Variants in CTIF observed in about 807,000 individuals in gnomAD.
CTIF encodes the protein CBP80/20-dependent translation initiation factor.
Under a neutral mutation model 66.0 loss-of-function variants are expected in CTIF, and 21 were observed. That is an observed-to-expected ratio of 0.32 (90% confidence interval 0.23 to 0.46). The LOEUF (loss-of-function observed/expected upper bound fraction) is 0.46, where lower values mean the gene tolerates loss of function less well. Among genes scored for constraint, CTIF ranks in the 20% least tolerant of loss-of-function variants. The pLI, the probability that CTIF is intolerant of heterozygous loss-of-function variation, is 1.00. For synonymous variants in CTIF, 345 were observed against 326.4 expected (o/e 1.06, Z -0.62); for missense variants, 739 against 812.7 (o/e 0.91, Z 1.10).
At chr18:48,675,382 C>T (rs1000496063) in intron 6 of CTIF, among the ~76,000 whole-genome samples, 6 of 152,184 alleles carry the variant, frequency 3.9e-5, no homozygotes, top group African/African-American at 7.2e-5. Flanking sequence ...GGAGGCCTCG[C>T]CAGGATCGGT....
At chr18:48,559,717 T>C (rs1369942424) in intron 1 of CTIF, among the ~76,000 whole-genome samples, 1 of 152,186 alleles carries the variant, frequency 6.6e-6, no homozygotes, top group East Asian at 1.9e-4. Flanking sequence ...ACAAGGCTGC[T>C]TGGGCTTCCT....
chr18:48,857,843 A>AC (rs1238979804), intron 11 of CTIF, among the ~76,000 whole-genome samples: 1 of 150,720 alleles, frequency 6.6e-6, no homozygotes, highest in Non-Finnish European at 1.5e-5. Flanking sequence ...AGAGCAGCTC[A>AC]CCCCTGACTG....
At chr18:48,648,608 A>G (rs1054949462) in intron 3 of CTIF, among the ~76,000 whole-genome samples, 1 of 151,466 alleles carries the variant, frequency 6.6e-6, no homozygotes, top group Admixed American at 6.6e-5. Flanking sequence ...AGAAGATTCA[A>G]CCATTCTCAA....
At chr18:48,737,681 G>A (rs1427665907) in intron 7 of CTIF, among the ~76,000 whole-genome samples, 1 of 151,958 alleles carries the variant, frequency 6.6e-6, no homozygotes, top group African/African-American at 2.4e-5. Flanking sequence ...TGAAAAGACA[G>A]ATAGAAATAT....
intron 1 of CTIF, among the ~76,000 whole-genome samples, chr18:48,578,392 G>T (rs1278293717): frequency 6.6e-6 from 1 of 152,138 alleles, no homozygotes; most frequent in Non-Finnish European, 1.5e-5. Context: ...ACCTTTTGAA[G>T]AACGCCAGGT....
At chr18:48,791,084 G>A (rs1045123298) in intron 9 of CTIF, among the ~76,000 whole-genome samples, 1 of 152,208 alleles carries the variant, frequency 6.6e-6, no homozygotes, top group Non-Finnish European at 1.5e-5. Flanking sequence ...AGGAAGGGGA[G>A]GCCCTGTACA....
chr18:48,846,290 C>T (rs1043230204), intron 10 of CTIF, among the ~76,000 whole-genome samples: 3 of 152,224 alleles, frequency 2.0e-5, no homozygotes, highest in Admixed American at 6.5e-5. Context: ...TCTCCACCAC[C>T]GCTATTCCTT....
intron 3 of CTIF, among the ~76,000 whole-genome samples, chr18:48,653,476 G>C (rs190981026): frequency 6.6e-6 from 1 of 151,992 alleles, no homozygotes; most frequent in Admixed American, 6.5e-5. Context: ...AAATAAAAGA[G>C]GACACAAACA....
At chr18:48,809,801 C>T (rs1020186357) in intron 9 of CTIF, among the ~76,000 whole-genome samples, 6 of 151,620 alleles carry the variant, frequency 4.0e-5, no homozygotes, top group Admixed American at 3.3e-4. Context: ...CCTATTTCAT[C>T]ATTTTTTCAA....
intron 9 of CTIF, among the ~76,000 whole-genome samples, chr18:48,808,516 C>CTTTTTTTTTTTTTTTTTTTTTTTTT (rs34004475): frequency 1.5e-5 from 2 of 135,540 alleles, no homozygotes; most frequent in Non-Finnish European, 1.6e-5. Context: ...ATTTTTGGTC[C>CTTTTTTTTTTTTTTTTTTTTTTTTT]TTTTTTTTTT....
At chr18:48,602,127 T>A (rs754781195) in intron 1 of CTIF, among the ~76,000 whole-genome samples, 1 of 152,252 alleles carries the variant, frequency 6.6e-6, no homozygotes, top group Non-Finnish European at 1.5e-5. Context: ...GTTCATAGTG[T>A]CACATCCTCC....
chr18:48,844,539 A>G (rs1683184481), intron 10 of CTIF, among the ~76,000 whole-genome samples: 1 of 152,212 alleles, frequency 6.6e-6, no homozygotes, highest in South Asian at 2.1e-4. Context: ...AAGGAGGCTA[A>G]TTATTCCCTC....
In CTIF at chr18:48,663,745, C is replaced by T; in HGVS notation, c.253-7C>T. On this transcript the variant is annotated splice_region_variant and splice_polypyrimidine_tract_variant and intron_variant, in intron 3 of 11. Coordinates refer to ENST00000256413, the MANE Select transcript of CTIF (RefSeq NM_014772.3). ...AATGTCAGCCCTTTCACCCCCATCT[C>T]TTCCAGAATGGCAGCAAAGACAACT... 1 of 1,613,938 alleles carries T rather than the reference C, an allele frequency of 6.2e-7. No individual in the cohort carries two copies. Among genetic ancestry groups the T allele is most frequent in the Non-Finnish European group, 8.5e-7 (1 of 1,179,832 alleles).
At chr18:48,583,307 G>T (rs1348904216) in intron 1 of CTIF, among the ~76,000 whole-genome samples, 1 of 152,236 alleles carries the variant, frequency 6.6e-6, no homozygotes, top group East Asian at 1.9e-4. Flanking sequence ...GGAATTCACA[G>T]TTCGTGAAAT....
intron 1 of CTIF, among the ~76,000 whole-genome samples, chr18:48,617,996 T>C (rs888528807): frequency 6.6e-6 from 1 of 152,208 alleles, no homozygotes; most frequent in Non-Finnish European, 1.5e-5. Flanking sequence ...GGAAGATGTG[T>C]GCACAGCAGG....
chr18:48,553,728 T>TG (rs1288887235), intron 1 of CTIF, among the ~76,000 whole-genome samples: 2 of 151,430 alleles, frequency 1.3e-5, no homozygotes, highest in East Asian at 3.9e-4. Flanking sequence ...TGATCTCAGC[T>TG]CACTGCAAGC....
chr18:48,788,759 T>C (rs1206733101), intron 9 of CTIF, among the ~76,000 whole-genome samples: 2 of 152,134 alleles, frequency 1.3e-5, no homozygotes, highest in Non-Finnish European at 2.9e-5. Flanking sequence ...AGGGTCTCCC[T>C]TGGGGAGGTC....
At chr18:48,590,707 C>T (rs913615976) in intron 1 of CTIF, among the ~76,000 whole-genome samples, 4 of 152,180 alleles carry the variant, frequency 2.6e-5, no homozygotes, top group African/African-American at 9.7e-5. Flanking sequence ...GCCACACCCT[C>T]GGGAGCACGC....
intron 7 of CTIF, among the ~76,000 whole-genome samples, chr18:48,721,341 G>A (rs1156515516): frequency 2.0e-5 from 3 of 152,330 alleles, no homozygotes; most frequent in Non-Finnish European, 2.9e-5. Flanking sequence ...GACGTAGAAT[G>A]GACGCCTTGG....
Sources: gnomAD v4.1 joint callset for allele counts (sites outside exome capture counted in the v4.1 genomes callset) on GRCh38, gnomAD v4.1.1 for gene constraint, MANE v1.5 for transcripts, NCBI Gene and HGNC (gene_info 2026-07-23, HGNC 2026-07-21) for gene names.